The following MYRFL variants were observed in gnomAD, a reference collection of about 807,000 sequenced individuals.
MYRFL encodes myelin regulatory factor-like protein.
A neutral mutation model predicts 109.4 loss-of-function variants in MYRFL; 88 were observed. The observed-to-expected ratio is 0.80, with a 90% CI of 0.68 to 0.96. The LOEUF (loss-of-function observed/expected upper bound fraction) is 0.96. Ranked by LOEUF, MYRFL falls within the 40% of genes least tolerant of loss-of-function variation. MYRFL has a pLI of 0.00. For synonymous variants in MYRFL, 324 were observed against 320.9 expected (o/e 1.01, Z -0.10); for missense variants, 957 against 954.9 (o/e 1.00, Z -0.03).
Position 69,943,292 on chromosome 12 carries a change from G to C in MYRFL, c.2224+6660G>C, listed in dbSNP as rs1259717855. On this transcript the variant is annotated intron_variant, in intron 19 of 24. Coordinates refer to ENST00000552032, the MANE Select transcript of MYRFL (RefSeq NM_182530.3). The stretch of plus-strand genomic sequence containing the variant: ...ACCTGACTTCAAACTATACTACAAG[G>C]CTACAGTAACCAAAACAGCATGGTA... 1.1e-3 allele frequency among the ~76,000 whole-genome samples: 161 copies of C among 150,114 alleles called. 2 individuals carry two copies. The highest frequency in any genetic ancestry group is 3.5e-3 in the Middle Eastern group (1 of 286).
At chr12:69,885,097 G>A (rs1886362998) in intron 5 of MYRFL, among the ~76,000 whole-genome samples, 1 of 152,046 alleles carries the variant, frequency 6.6e-6, no homozygotes, top group African/African-American at 2.4e-5. Context: ...AACCATAGAA[G>A]GGTTTCTTTC....
At position 69,825,453 on chromosome 12, in the gene MYRFL, G is replaced by A. The variant is rs1360052058; in HGVS notation, c.-65G>A. On this transcript the variant is annotated 5_prime_UTR_variant, in exon 1 of 25. Coordinates refer to ENST00000552032, the MANE Select transcript of MYRFL (RefSeq NM_182530.3). ...TCGTAGGCTTCGAATCAAAAGGACA[G>A]TACTTATTTCCTGAGGTCTGATAAC... 2.9e-6 allele frequency: 2 copies of A among 696,806 alleles called. No homozygotes were observed. Among genetic ancestry groups the A allele is most frequent in the Non-Finnish European group, 5.2e-6 (2 of 382,654 alleles). The allele number at this position is 696,806 out of a possible 1,614,324, so 43.2% of individuals were successfully genotyped here.
At chr12:69,881,864 C>A in intron 5 of MYRFL, among the ~76,000 whole-genome samples, 1 of 152,166 alleles carries the variant, frequency 6.6e-6, no homozygotes. Flanking sequence ...CTTCAGGGAT[C>A]CCCACATCTA....
intron 22 of MYRFL, among the ~76,000 whole-genome samples, chr12:69,956,705 T>A (rs1956105642): frequency 6.6e-6 from 1 of 152,102 alleles, no homozygotes; most frequent in African/African-American, 2.4e-5. Context: ...TACTCTTTTT[T>A]TCATCAACTT....
At chr12:69,922,139 A>G (rs1954932115) in intron 13 of MYRFL, among the ~76,000 whole-genome samples, 1 of 151,996 alleles carries the variant, frequency 6.6e-6, no homozygotes, top group Non-Finnish European at 1.5e-5. Context: ...GGGTGCAGGG[A>G]GGGGTTAGAG....
At chr12:69,891,293 C>G in intron 7 of MYRFL, 127 bp downstream of exon 7, 1 of 694,870 alleles carries the variant, frequency 1.4e-6, no homozygotes, top group Non-Finnish European at 2.1e-6. Flanking sequence ...GGTCACAAAT[C>G]TGCAACTGGG....
chr12:69,842,710 C>T (rs1400264896), intron 1 of MYRFL, among the ~76,000 whole-genome samples: 1 of 152,146 alleles, frequency 6.6e-6, no homozygotes, highest in Non-Finnish European at 1.5e-5. Flanking sequence ...TTTGCACATG[C>T]CTTTTTTGTT....
chr12:69,958,309 C>A lies in MYRFL; in HGVS notation c.2632C>A (p.Arg878Ser). The part of the protein sequence containing the change: ...APFSDSMFHF[R>S]VAAPDLADCS... Reference sequence around the variant, plus strand: ...ATTTTCTGACAGCATGTTCCATTTCCGTGTAGCTGCACCGGTAAGCTTGCT... The same window carrying A: ...ATTTTCTGACAGCATGTTCCATTTCAGTGTAGCTGCACCGGTAAGCTTGCT... Residue 878 changes from arginine (R) to serine (S), a missense_variant, in exon 24 of 25, where the codon CGT (arginine) becomes AGT (serine). By Grantham distance (110) the Arg-to-Ser change is moderately radical (BLOSUM62 -1). Coordinates refer to ENST00000552032, the MANE Select transcript of MYRFL (RefSeq NM_182530.3). The A allele has an allele frequency of 6.5e-7, 1 of 1,536,370 alleles. No homozygotes were observed. Among genetic ancestry groups the A allele is most frequent in the Non-Finnish European group, 8.7e-7 (1 of 1,146,952 alleles).
In MYRFL at chr12:69,910,015, T is replaced by C; in HGVS notation, c.1430T>C (p.Val477Ala). ...AAAAGAATAGCCCAAATGAGAATTGTTGAATATGACTACAAACCTGAATTT... is the reference window on the plus strand; with the variant it reads ...AAAAGAATAGCCCAAATGAGAATTGCTGAATATGACTACAAACCTGAATTT... Reference protein sequence around the residue: ...QLKRIAQMRIVEYDYKPEFAS... With the variant: ...QLKRIAQMRIAEYDYKPEFAS... The change falls in exon 12 of 25, where the codon GTT (valine) becomes GCT (alanine). Residue 477 changes from valine to alanine, a missense_variant. Coordinates refer to ENST00000552032, the MANE Select transcript of MYRFL (RefSeq NM_182530.3). 2 of 1,535,038 alleles carry C rather than the reference T, an allele frequency of 1.3e-6. No individual in the cohort carries two copies. The highest frequency in any genetic ancestry group is 8.7e-7 in the Non-Finnish European group (1 of 1,146,534).
chr12:69,950,976 G>T (rs1277594093), intron 19 of MYRFL, among the ~76,000 whole-genome samples: 1 of 152,178 alleles, frequency 6.6e-6, no homozygotes, highest in Non-Finnish European at 1.5e-5. Flanking sequence ...GGTTACAGAG[G>T]ATTCAAAGAA....
chr12:69,827,494 G>A (rs1351519169), intron 1 of MYRFL, among the ~76,000 whole-genome samples: 1 of 151,990 alleles, frequency 6.6e-6, no homozygotes, highest in African/African-American at 2.4e-5. Flanking sequence ...AGCTAAAGCA[G>A]AAGAGGCGCA....
intron 10 of MYRFL, among the ~76,000 whole-genome samples, chr12:69,897,649 G>A (rs1405988838): frequency 6.6e-6 from 1 of 152,214 alleles, no homozygotes; most frequent in Admixed American, 6.5e-5. Context: ...ATTTTACATT[G>A]TTATACTTTC....
chr12:69,954,512 A>AT (rs900345450), intron 21 of MYRFL, among the ~76,000 whole-genome samples: 1 of 152,198 alleles, frequency 6.6e-6, no homozygotes, highest in Admixed American at 6.5e-5. Context: ...TATATTCAAG[A>AT]TGTATAATGT....
chr12:69,956,260 C>A (rs1592907074), intron 22 of MYRFL, among the ~76,000 whole-genome samples: 2 of 151,970 alleles, frequency 1.3e-5, no homozygotes, highest in East Asian at 3.9e-4. Flanking sequence ...ATTCAGTCCA[C>A]CCTCTCAGCC....
At chr12:69,851,596 T>G (rs960482260) in intron 1 of MYRFL, among the ~76,000 whole-genome samples, 1 of 152,180 alleles carries the variant, frequency 6.6e-6, no homozygotes, top group Non-Finnish European at 1.5e-5. Context: ...AACATTAACA[T>G]CAGTCATAAC....
At chr12:69,943,176 A>G (rs1444706626) in intron 19 of MYRFL, among the ~76,000 whole-genome samples, 2 of 151,830 alleles carry the variant, frequency 1.3e-5, no homozygotes, top group African/African-American at 4.9e-5. Context: ...GAATTGGAAA[A>G]AACTACTTTA....
At chr12:69,878,419 G>C (rs1472074399) in intron 2 of MYRFL, among the ~76,000 whole-genome samples, 1 of 151,920 alleles carries the variant, frequency 6.6e-6, no homozygotes, top group Non-Finnish European at 1.5e-5. Context: ...TTTACATTTC[G>C]TTAGCTCAAA....
At chr12:69,842,062 C>T (rs1883276913) in intron 1 of MYRFL, among the ~76,000 whole-genome samples, 1 of 152,218 alleles carries the variant, frequency 6.6e-6, no homozygotes, top group Admixed American at 6.5e-5. Flanking sequence ...CCTAGCCTGA[C>T]TATAGAACCA....
intron 10 of MYRFL, among the ~76,000 whole-genome samples, chr12:69,903,440 C>T (rs1028316801): frequency 2.0e-5 from 3 of 152,204 alleles, no homozygotes; most frequent in African/African-American, 7.2e-5. Flanking sequence ...CTCCTGCTAG[C>T]GGGGAGGCAG....
Sources: gnomAD v4.1 joint callset for allele counts (sites outside exome capture counted in the v4.1 genomes callset) on GRCh38, gnomAD v4.1.1 for gene constraint, MANE v1.5 for transcripts, NCBI Gene and HGNC (gene_info 2026-07-23, HGNC 2026-07-21) for gene names.